TRAK1: variants seen among roughly 807,000 people sequenced by gnomAD.
TRAK1 encodes trafficking kinesin-binding protein 1.
TRAK1 carries 33 observed loss-of-function variants against 92.1 expected under a neutral mutation model. That is an observed-to-expected ratio of 0.36 (90% CI 0.27 to 0.48). The LOEUF (loss-of-function observed/expected upper bound fraction) is 0.48, where lower values mean the gene tolerates loss of function less well. Among genes scored for constraint, TRAK1 ranks in the 20% least tolerant of loss-of-function variants. The pLI is 0.99. For missense variants in TRAK1, 1,123 were observed against 1,257.9 expected (o/e 0.89, Z 1.62); for synonymous variants, 521 against 517.3 (o/e 1.01, Z -0.10).
At chr3:42,218,611 C>T in intron 14 of TRAK1, 1 of 985,174 alleles carries the variant, frequency 1.0e-6, no homozygotes, top group Non-Finnish European at 1.2e-6. Context: ...GTTCCTTGTT[C>T]CTTTGCCAGC....
intron 6 of TRAK1, among the ~76,000 whole-genome samples, chr3:42,190,059 A>C (rs1705473147): frequency 6.6e-6 from 1 of 152,078 alleles, no homozygotes; most frequent in African/African-American, 2.4e-5. Context: ...TGAGTGAGTA[A>C]ATGACAAAGC....
intron 1 of TRAK1, among the ~76,000 whole-genome samples, chr3:42,050,088 T>C (rs1702919284): frequency 6.6e-6 from 1 of 151,770 alleles, no homozygotes; most frequent in Non-Finnish European, 1.5e-5. Context: ...GGTAGTTTTT[T>C]CCCTTGGACT....
chr3:42,222,857 C>G (rs1334404151), intron 15 of TRAK1, 85 bp from the exon 16 acceptor site: 23 of 1,461,118 alleles, frequency 1.6e-5, no homozygotes, highest in Non-Finnish European at 2.2e-5. Flanking sequence ...GTCGTCCCTA[C>G]CCCCCCTGCA....
intron 1 of TRAK1, among the ~76,000 whole-genome samples, chr3:42,019,336 C>T (rs1701648199): frequency 6.6e-6 from 1 of 152,140 alleles, no homozygotes. Context: ...AGTGCAGTGG[C>T]CTGATCATAG....
chr3:42,037,531 T>C (rs1198454749), intron 1 of TRAK1, among the ~76,000 whole-genome samples: 1 of 152,236 alleles, frequency 6.6e-6, no homozygotes, highest in African/African-American at 2.4e-5. Flanking sequence ...TACAGTCTGG[T>C]ACTATAGACA....
intron 1 of TRAK1, among the ~76,000 whole-genome samples, chr3:42,116,080 A>G (rs955863809): frequency 6.6e-6 from 1 of 152,236 alleles, no homozygotes; most frequent in East Asian, 1.9e-4. Flanking sequence ...TTTATTGAAC[A>G]CTTACTAGTT....
At chr3:42,179,067 C>T (rs530865057) in intron 3 of TRAK1, among the ~76,000 whole-genome samples, 7 of 152,212 alleles carry the variant, frequency 4.6e-5, no homozygotes, top group Non-Finnish European at 8.8e-5. Flanking sequence ...ATTCTCTCAC[C>T]TTGACCTCCC....
rs1157779327 is a variant in TRAK1, at chr3:42,223,231, C to G, written c.2356C>G (p.Pro786Ala). Residue 786 changes from proline (P) to alanine (A), a missense_variant, in exon 16 of 16, where the codon CCT becomes GCT. By Grantham distance (27) the Pro-to-Ala change is conservative (BLOSUM62 -1). This residue lies in a region of TRAK1 where 401 missense variants were observed against 438.9 expected (regional missense o/e 0.91). Transcript: ENST00000327628. This position sits in a 1 kb window ranked among gnomAD's most constrained non-coding sequence, Gnocchi z 6.1. ...AVIPSTPPNSPMQTPTSSPPS... is the reference protein window; with the variant it reads ...AVIPSTPPNSAMQTPTSSPPS... ...GATCCCCTCTACTCCGCCGAACTCG[C>G]CTATGCAGACACCCACATCCTCCCC... The G allele has an allele frequency of 7.4e-6, 12 of 1,614,228 alleles. No individual in the cohort carries two copies. Among genetic ancestry groups the G allele is most frequent in the Non-Finnish European group, 1.0e-5 (12 of 1,180,036 alleles).
chr3:42,096,933 G>A (rs1405185686), intron 1 of TRAK1, among the ~76,000 whole-genome samples: 1 of 152,226 alleles, frequency 6.6e-6, no homozygotes, highest in Non-Finnish European at 1.5e-5. Flanking sequence ...TACACTTTGA[G>A]GTTTTCCACC....
At chr3:42,103,844 G>A (rs1336436025) in intron 1 of TRAK1, among the ~76,000 whole-genome samples, 2 of 152,158 alleles carry the variant, frequency 1.3e-5, no homozygotes, top group African/African-American at 2.4e-5. Flanking sequence ...TCAGACAGTG[G>A]GTGCAGCCCA....
At chr3:42,161,687 C>T (rs1394951950) in intron 2 of TRAK1, among the ~76,000 whole-genome samples, 1 of 152,222 alleles carries the variant, frequency 6.6e-6, no homozygotes, top group South Asian at 2.1e-4. Context: ...ATATGGTTAA[C>T]ACTTCCCCTC....
chr3:42,021,457 T>A (rs1241522952), intron 1 of TRAK1, among the ~76,000 whole-genome samples: 2 of 151,678 alleles, frequency 1.3e-5, no homozygotes, highest in African/African-American at 4.9e-5. Flanking sequence ...AGCACAGCAT[T>A]GATGTGTTTG....
intron 13 of TRAK1, among the ~76,000 whole-genome samples, chr3:42,209,410 C>T (rs974119638): frequency 6.6e-6 from 1 of 152,096 alleles, no homozygotes. Flanking sequence ...TTTCCCCCTT[C>T]CATTTTGTAA....
chr3:42,091,230 G>T, upstream of TRAK1: 1 of 490,412 alleles, frequency 2.0e-6, no homozygotes. Context: ...TTTTGGGTGC[G>T]TCATTTTCTG....
In TRAK1 at chr3:42,149,694, G is replaced by A. The variant is rs1402350401; in HGVS notation, c.286+24080G>A. The stretch of plus-strand genomic sequence containing the variant: ...CCTGAAACCTTTAGGGGAGACAGGC[G>A]GCTGGCGGGTGGGAGGTACCAGAAC... On this transcript the variant is annotated intron_variant, in intron 2 of 15. Transcript: ENST00000327628. The A allele has an allele frequency of 8.8e-6, 13 of 1,483,138 alleles. No homozygotes were observed. The East Asian group carries it at 1.2e-4, about 14-fold the overall frequency. 91.9% of individuals were successfully genotyped at this position (1,483,138 alleles called of 1,614,324 possible).
chr3:42,174,219 G>A (rs1266016540), intron 2 of TRAK1, among the ~76,000 whole-genome samples: 1 of 151,934 alleles, frequency 6.6e-6, no homozygotes, highest in African/African-American at 2.4e-5. Flanking sequence ...AGACAGGTGT[G>A]CATTTTATTG....
At chr3:42,184,165 A>G (rs558831856) in intron 3 of TRAK1, among the ~76,000 whole-genome samples, 1 of 152,244 alleles carries the variant, frequency 6.6e-6, no homozygotes, top group Non-Finnish European at 1.5e-5. Context: ...ACATGAGGCA[A>G]AAATAAGGAA....
At chr3:42,055,419 T>A (rs1320299035) in intron 1 of TRAK1, among the ~76,000 whole-genome samples, 2 of 152,208 alleles carry the variant, frequency 1.3e-5, no homozygotes, top group African/African-American at 4.8e-5. Context: ...AAGTATGGAA[T>A]TCAATGGTTT....
chr3:42,202,737 G>A lies in TRAK1; in HGVS notation c.1729G>A (p.Val577Met), dbSNP rs750984077. The A allele has an allele frequency of 8.1e-6, 13 of 1,613,752 alleles. No homozygotes were observed. The highest frequency in any genetic ancestry group is 1.1e-5 in the Non-Finnish European group (13 of 1,179,872). ...CTACCTGCCTGAGAAGCTCCAGATC[G>A]TGAAGCCGCTGGAAGGTGATCACGC... ...RSYLPEKLQI[V>M]KPLEGSATLH... The change falls in exon 13 of 16, where the codon GTG becomes ATG. Residue 577 changes from valine (V) to methionine (M), a missense_variant. Val to Met is a conservative substitution (Grantham distance 21). Coordinates refer to ENST00000327628, the MANE Select transcript of TRAK1 (RefSeq NM_001042646.3). This position sits in a 1 kb window ranked among gnomAD's most constrained non-coding sequence, Gnocchi z 6.1.
Sources: allele counts gnomAD v4.1 joint callset (sites outside exome capture counted in the v4.1 genomes callset), GRCh38; gene constraint gnomAD v4.1.1; regional missense constraint gnomAD v4.1.1; non-coding constraint Gnocchi (gnomAD v3.1); transcripts MANE v1.5; gene names NCBI Gene and HGNC (gene_info 2026-07-23, HGNC 2026-07-21).